VTI1B: variants seen among roughly 807,000 people sequenced by gnomAD.
VTI1B encodes vesicle transport through interaction with t-SNAREs 1B.
In VTI1B, 18 loss-of-function variants were observed where a neutral mutation model predicts 28.6. The observed-to-expected ratio is 0.63, with a 90% CI of 0.43 to 0.93. The LOEUF (loss-of-function observed/expected upper bound fraction) is 0.93, where lower values mean the gene tolerates loss of function less well. VTI1B is among the 40% of genes least tolerant of loss of function. The pLI is 0.00. For synonymous variants in VTI1B, 100 were observed against 107.9 expected (o/e 0.93, Z 0.46); for missense variants, 283 against 297.0 (o/e 0.95, Z 0.35).
At chr14:67,657,113 C>T (rs190641812) in intron 3 of VTI1B, 3 of 152,344 alleles carry the variant, frequency 2.0e-5, no homozygotes, top group African/African-American at 7.2e-5. Flanking sequence ...AAGCCTCCAG[C>T]ACCTGGTATT....
intron 3 of VTI1B, among the ~76,000 whole-genome samples, chr14:67,657,658 A>G (rs1042865678): frequency 1.3e-5 from 2 of 152,022 alleles, no homozygotes; most frequent in South Asian, 4.2e-4. Flanking sequence ...ACAGAGGCCT[A>G]GTACAGAGCA....
At chr14:67,651,671 A>AATGTTAAACTGAGAC in intron 5 of VTI1B, 190 bp from the exon 6 acceptor site, 2 of 465,116 alleles carry the variant, frequency 4.3e-6, no homozygotes, top group South Asian at 7.7e-5. Flanking sequence ...ACCTCACAGA[A>AATGTTAAACTGAGAC]ATGTTAAACT....
chr14:67,672,432 T>TTTTTC (rs560224426), intron 1 of VTI1B, among the ~76,000 whole-genome samples: 2 of 140,112 alleles, frequency 1.4e-5, no homozygotes, highest in Non-Finnish European at 3.1e-5. Context: ...AGTCTACTTT[T>TTTTTC]TTTTCTTTTC....
At chr14:67,658,190 T>G (rs138976106) in intron 3 of VTI1B, among the ~76,000 whole-genome samples, 14 of 150,768 alleles carry the variant, frequency 9.3e-5, no homozygotes, top group South Asian at 2.3e-4. Context: ...GATTTTCAAC[T>G]GAGTAGGCTA....
chr14:67,660,589 C>A (rs905705031), intron 2 of VTI1B, among the ~76,000 whole-genome samples: 4 of 152,320 alleles, frequency 2.6e-5, no homozygotes, highest in African/African-American at 7.2e-5. Flanking sequence ...CCTTCTCCTG[C>A]TCCTCTTTCT....
chr14:67,669,145 TAA>T (rs1435362880), intron 1 of VTI1B, among the ~76,000 whole-genome samples: 12 of 152,182 alleles, frequency 7.9e-5, no homozygotes, highest in African/African-American at 2.9e-4. Context: ...CTAATTGGGT[TAA>T]AGTAACCTGT....
Position 67,651,210 on chromosome 14 carries a change from G to T in VTI1B, c.*175C>A. 1.6e-6 allele frequency: 2 copies of T among 1,284,246 alleles called. No homozygotes were observed. Among genetic ancestry groups the T allele is most frequent in the Non-Finnish European group, 1.0e-6 (1 of 954,252 alleles). The allele number at this position is 1,284,246 out of a possible 1,614,324, so 79.6% of individuals were successfully genotyped here. ...ATATCATACTGGTCTTGTTGCTGTT[G>T]TTCCTTCACATTTAAGTGGTTTTTC... is the stretch of plus-strand genomic sequence containing the variant. On this transcript the variant is annotated 3_prime_UTR_variant, in exon 6 of 6. Coordinates refer to ENST00000554659, the MANE Select transcript of VTI1B (RefSeq NM_006370.3).
At chr14:67,653,067 G>A (rs2037208137) in intron 5 of VTI1B, among the ~76,000 whole-genome samples, 1 of 152,186 alleles carries the variant, frequency 6.6e-6, no homozygotes, top group Non-Finnish European at 1.5e-5. Context: ...GGGATTACAG[G>A]CATGAGCCAC....
intron 1 of VTI1B, among the ~76,000 whole-genome samples, chr14:67,672,875 C>G (rs984641913): frequency 2.4e-4 from 36 of 152,342 alleles, no homozygotes; most frequent in Middle Eastern, 3.4e-3. Flanking sequence ...CATGATCTGG[C>G]CCTGCTTATC....
At chr14:67,664,007 T>G (rs1363203352) in intron 1 of VTI1B, among the ~76,000 whole-genome samples, 2 of 152,154 alleles carry the variant, frequency 1.3e-5, no homozygotes, top group Non-Finnish European at 2.9e-5. Flanking sequence ...TTAAAAAAAT[T>G]TATACATCCA....
intron 3 of VTI1B, among the ~76,000 whole-genome samples, chr14:67,657,619 CACA>C (rs1566812533): frequency 7.1e-6 from 1 of 140,284 alleles, no homozygotes; most frequent in African/African-American, 3.1e-5. Flanking sequence ...CACACACACA[CACA>C]CCCAAAATCA....
chr14:67,663,248 ATTGTC>A (rs2037361478), intron 1 of VTI1B: 1 of 1,175,994 alleles, frequency 8.5e-7, no homozygotes, highest in South Asian at 1.4e-5. Flanking sequence ...CTAAAACAGT[ATTGTC>A]TTAATTGTAT....
chr14:67,654,826 G>C (rs905591877), intron 4 of VTI1B, among the ~76,000 whole-genome samples: 1 of 151,678 alleles, frequency 6.6e-6, no homozygotes, highest in Non-Finnish European at 1.5e-5. Flanking sequence ...TTAAGAGATC[G>C]AGACCATCCT....
At chr14:67,668,836 T>C (rs2037433230) in intron 1 of VTI1B, among the ~76,000 whole-genome samples, 1 of 152,162 alleles carries the variant, frequency 6.6e-6, no homozygotes, top group South Asian at 2.1e-4. Flanking sequence ...ATGATGCTGA[T>C]GCAGCTGGTT....
chr14:67,666,673 A>G (rs2037405891), intron 1 of VTI1B, among the ~76,000 whole-genome samples: 1 of 152,192 alleles, frequency 6.6e-6, no homozygotes, highest in Non-Finnish European at 1.5e-5. Flanking sequence ...GATGTACCTC[A>G]GCGATCATCT....
chr14:67,665,260 T>C (rs2037386349), intron 1 of VTI1B, among the ~76,000 whole-genome samples: 1 of 13,390 alleles, frequency 7.5e-5, no homozygotes, highest in African/African-American at 1.5e-4. Flanking sequence ...CAGTTATATC[T>C]TTTTTTTTTT....
chr14:67,667,726 C>T (rs1311496620), intron 1 of VTI1B, among the ~76,000 whole-genome samples: 2 of 152,068 alleles, frequency 1.3e-5, no homozygotes, highest in African/African-American at 4.8e-5. Flanking sequence ...GGGCGGATCA[C>T]GAGGTCAGGA....
At chr14:67,651,963 T>TTAAG (rs2037185832) in intron 5 of VTI1B, among the ~76,000 whole-genome samples, 1 of 152,216 alleles carries the variant, frequency 6.6e-6, no homozygotes, top group East Asian at 1.9e-4. Context: ...TTAAAAATTT[T>TTAAG]CCTATCTGTT....
intron 4 of VTI1B, among the ~76,000 whole-genome samples, chr14:67,655,628 C>G (rs1324033099): frequency 1.3e-5 from 2 of 151,406 alleles, no homozygotes; most frequent in Non-Finnish European, 2.9e-5. Context: ...TTTATGAAAT[C>G]TGGAAAACAG....
Sources: gnomAD v4.1 joint callset for allele counts (sites outside exome capture counted in the v4.1 genomes callset) on GRCh38, gnomAD v4.1.1 for gene constraint, MANE v1.5 for transcripts, NCBI Gene and HGNC (gene_info 2026-07-23, HGNC 2026-07-21) for gene names.